FGF12: variants seen among roughly 807,000 people sequenced by gnomAD.
FGF12 encodes the protein fibroblast growth factor 12.
In FGF12, 14 loss-of-function variants were observed where a neutral mutation model predicts 23.6. The observed-to-expected ratio is 0.59, with a 90% CI of 0.39 to 0.93. The LOEUF is 0.93. Ranked by LOEUF, FGF12 falls within the 40% of genes least tolerant of loss-of-function variation. The pLI, the probability that FGF12 is intolerant of heterozygous loss-of-function variation, is 0.00. For missense variants in FGF12, 175 were observed against 217.8 expected (o/e 0.80, Z 1.24); for synonymous variants, 62 against 77.3 (o/e 0.80, Z 1.04).
chr3:192,255,435 T>C (rs950515470), intron 4 of FGF12, among the ~76,000 whole-genome samples: 1 of 151,944 alleles, frequency 6.6e-6, no homozygotes, highest in Admixed American at 6.6e-5. Flanking sequence ...CTGAGTAAGC[T>C]GAGTTGGGGA....
At chr3:192,656,061 A>C (rs1482321020) in intron 2 of FGF12, among the ~76,000 whole-genome samples, 1 of 135,110 alleles carries the variant, frequency 7.4e-6, no homozygotes, top group Non-Finnish European at 1.6e-5. Flanking sequence ...AAAAAAAAAA[A>C]ATTCTTTTCC....
At chr3:192,620,851 C>T (rs1714947369) in intron 2 of FGF12, among the ~76,000 whole-genome samples, 1 of 152,072 alleles carries the variant, frequency 6.6e-6, no homozygotes, top group Non-Finnish European at 1.5e-5. Context: ...CATGGCAGCT[C>T]ACAAAGGAGA....
Position 192,588,703 on chromosome 3 carries a change from T to A in FGF12, c.13+138478A>T, listed in dbSNP as rs6782995. Among the ~76,000 whole-genome samples, 1,407 of 152,040 alleles carry A rather than the reference T, an allele frequency of 9.3e-3. 28 individuals carry two copies. The highest frequency in any genetic ancestry group is 0.032 in the African/African-American group (1,338 of 41,530). ...AGATGTTAAAGCTCAGAAAATTAAC[T>A]CAAATTAACTCACCAAGGCTATACA... On this transcript the variant is annotated intron_variant, in intron 2 of 5. Transcript: ENST00000445105.
At chr3:192,384,476 A>G (rs1719957929) in intron 2 of FGF12, among the ~76,000 whole-genome samples, 1 of 152,204 alleles carries the variant, frequency 6.6e-6, no homozygotes, top group South Asian at 2.1e-4. Context: ...TAGCTGGAAG[A>G]AATAACATCT....
chr3:192,632,163 C>G (rs1715413129), intron 2 of FGF12, among the ~76,000 whole-genome samples: 1 of 152,282 alleles, frequency 6.6e-6, no homozygotes, highest in South Asian at 2.1e-4. Context: ...TCCTTCCCCC[C>G]ATCTAATCCA....
intron 2 of FGF12, among the ~76,000 whole-genome samples, chr3:192,417,814 G>A (rs1271403104): frequency 6.6e-6 from 1 of 152,036 alleles, no homozygotes; most frequent in Non-Finnish European, 1.5e-5. Context: ...CTCTAGGGAA[G>A]GGAAAGGTTA....
intron 2 of FGF12, among the ~76,000 whole-genome samples, chr3:192,396,072 C>G (rs565387253): frequency 1.3e-5 from 2 of 152,108 alleles, no homozygotes; most frequent in Admixed American, 6.6e-5. Context: ...CTCTTAACCA[C>G]GTATTGAGCC....
rs74808239 is a variant in FGF12 at position 192,543,801 on chromosome 3, T to A, written c.14-183263A>T. 1.4e-4 allele frequency among the ~76,000 whole-genome samples: 22 copies of A among 152,314 alleles called. 1 individual carries two copies. In the East Asian group the frequency reaches 4.3e-3, roughly 29 times the overall value. On this transcript the variant is annotated intron_variant, in intron 2 of 5. Coordinates refer to ENST00000445105, the MANE Select transcript of FGF12 (RefSeq NM_004113.6). ...TTTTGGCCCAGGGTGTGTCTAGAAA[T>A]GTCATCCTGGAATTAAGGTCTGGGA...
In FGF12 at chr3:192,268,665, C is replaced by T. The variant is rs771240218; in HGVS notation, c.228+66696G>A. ...ATGTGACATACCTGCTCCTCCTTTG[C>T]CTTGTCATGATTGTAAGCTTCCTGA... is the stretch of plus-strand genomic sequence containing the variant. On this transcript the variant is annotated intron_variant, in intron 4 of 5. Coordinates refer to ENST00000445105, the MANE Select transcript of FGF12 (RefSeq NM_004113.6). 102 of 444,664 alleles carry T rather than the reference C, an allele frequency of 2.3e-4. 1 individual carries two copies. Among genetic ancestry groups the T allele is most frequent in the South Asian group, 1.6e-3 (100 of 62,178 alleles). The allele number at this position is 444,664 out of a possible 1,614,324, so 27.5% of individuals were successfully genotyped here. A position where few individuals can be genotyped will look rare whatever the true frequency, so the allele number is the denominator to read the frequency against.
At chr3:192,601,908 C>G (rs926394005) in intron 2 of FGF12, among the ~76,000 whole-genome samples, 1 of 149,418 alleles carries the variant, frequency 6.7e-6, no homozygotes, top group East Asian at 2.0e-4. Context: ...AGTATAGACA[C>G]AACTGTCCAT....
intron 2 of FGF12, among the ~76,000 whole-genome samples, chr3:192,604,402 C>A (rs1407773774): frequency 6.6e-6 from 1 of 152,138 alleles, no homozygotes; most frequent in Non-Finnish European, 1.5e-5. Context: ...TGATAAATGT[C>A]CATGAAATCT....
At chr3:192,521,907 ATAAT>A (rs2108846318) in intron 2 of FGF12, among the ~76,000 whole-genome samples, 1 of 152,348 alleles carries the variant, frequency 6.6e-6, no homozygotes, top group East Asian at 1.9e-4. Context: ...TATGTAAGAA[ATAAT>A]TTATTTAAAT....
intron 2 of FGF12, among the ~76,000 whole-genome samples, chr3:192,411,123 T>TG (rs1560103613): frequency 1.3e-5 from 2 of 152,250 alleles, no homozygotes; most frequent in Non-Finnish European, 2.9e-5. Flanking sequence ...AAAATGGATG[T>TG]GGGACCCAGA....
At chr3:192,335,332 C>G (rs1717342271) in intron 4 of FGF12, 29 bp downstream of exon 4, 1 of 1,445,984 alleles carries the variant, frequency 6.9e-7, no homozygotes, top group Admixed American at 1.7e-5. Flanking sequence ...CACACACATA[C>G]ACACAAATAC....
intron 4 of FGF12, among the ~76,000 whole-genome samples, chr3:192,185,427 C>T (rs35151403): frequency 0.11 from 17,361 of 152,106 alleles, 1,195 homozygotes; most frequent in African/African-American, 0.19. Context: ...GCCCTTGTAA[C>T]GGCTTATGAA....
chr3:192,505,004 TC>T (rs576134821), intron 2 of FGF12, among the ~76,000 whole-genome samples: 1 of 151,958 alleles, frequency 6.6e-6, no homozygotes, highest in Non-Finnish European at 1.5e-5. Flanking sequence ...ACTGATGTCC[TC>T]CCCCAAGCCC....
At chr3:192,695,889 AG>A in intron 2 of FGF12, among the ~76,000 whole-genome samples, 1 of 152,210 alleles carries the variant, frequency 6.6e-6, no homozygotes, top group East Asian at 1.9e-4. Context: ...ACTTAAGGTC[AG>A]AAGTTCAAGA....
intron 2 of FGF12, among the ~76,000 whole-genome samples, chr3:192,362,169 A>G (rs1718759496): frequency 6.6e-6 from 1 of 152,132 alleles, no homozygotes; most frequent in South Asian, 2.1e-4. Flanking sequence ...CCATAGGCTC[A>G]TCTAATCCCA....
intron 4 of FGF12, among the ~76,000 whole-genome samples, chr3:192,309,658 TAAAG>T (rs887625527): frequency 3.3e-5 from 5 of 152,072 alleles, no homozygotes; most frequent in African/African-American, 1.2e-4. Context: ...TACTGGGTCT[TAAAG>T]AAGAAACAGG....
Sources: gnomAD v4.1 joint callset for allele counts (sites outside exome capture counted in the v4.1 genomes callset) on GRCh38, gnomAD v4.1.1 for gene constraint, MANE v1.5 for transcripts, NCBI Gene and HGNC (gene_info 2026-07-23, HGNC 2026-07-21) for gene names.